Variants in CNTN5 observed in about 807,000 individuals in gnomAD.
CNTN5 encodes contactin 5.
Under a neutral mutation model 129.1 loss-of-function variants are expected in CNTN5, and 77 were observed. The observed-to-expected ratio is 0.60, with a 90% CI of 0.50 to 0.72. CNTN5 has a LOEUF of 0.72. CNTN5 is among the 30% of genes least tolerant of loss of function. The probability of loss-of-function intolerance (pLI) is 0.00; values close to 1 mark genes in which losing one functional copy is unlikely to be tolerated. For synonymous variants in CNTN5, 509 were observed against 465.6 expected (o/e 1.09, Z -1.20); for missense variants, 1,478 against 1,328.8 (o/e 1.11, Z -1.75).
intron 7 of CNTN5, among the ~76,000 whole-genome samples, chr11:99,939,987 T>TC (rs1950399306): frequency 6.6e-6 from 1 of 152,154 alleles, no homozygotes; most frequent in South Asian, 2.1e-4. Flanking sequence ...ACCAGAATAT[T>TC]TCACTTCTGG....
chr11:99,785,871 A>G (rs1945502506), intron 3 of CNTN5, among the ~76,000 whole-genome samples: 2 of 152,156 alleles, frequency 1.3e-5, no homozygotes, highest in African/African-American at 2.4e-5. Context: ...AATAAGAGCT[A>G]TTTATGACAA....
chr11:99,859,492 C>G (rs78162629), intron 6 of CNTN5, among the ~76,000 whole-genome samples: 6 of 152,148 alleles, frequency 3.9e-5, no homozygotes, highest in Admixed American at 2.0e-4. Flanking sequence ...TAGTTAGTTT[C>G]TCAGCCTTCC....
chr11:99,911,725 T>A (rs1320747120), intron 6 of CNTN5, among the ~76,000 whole-genome samples: 2 of 137,156 alleles, frequency 1.5e-5, no homozygotes, highest in African/African-American at 5.4e-5. Context: ...CTACTCAACA[T>A]GTCTCAGGAG....
At chr11:99,566,081 C>T (rs186334935) in intron 3 of CNTN5, among the ~76,000 whole-genome samples, 207 of 152,218 alleles carry the variant, frequency 1.4e-3, no homozygotes, top group African/African-American at 4.7e-3. Context: ...GAAATGTAAT[C>T]CCCCATTTTG....
At chr11:99,602,932 C>T (rs1319670088) in intron 3 of CNTN5, among the ~76,000 whole-genome samples, 2 of 106,382 alleles carry the variant, frequency 1.9e-5, no homozygotes, top group African/African-American at 7.4e-5. Flanking sequence ...GACATCTACA[C>T]CGAAAACCCA....
chr11:99,209,303 C>CA (rs1023748174), intron 1 of CNTN5, among the ~76,000 whole-genome samples: 13 of 152,220 alleles, frequency 8.5e-5, no homozygotes, highest in African/African-American at 3.1e-4. Context: ...TTAACTGTCT[C>CA]ACGGTTCTTC....
chr11:99,626,081 A>G (rs1690817), intron 3 of CNTN5, among the ~76,000 whole-genome samples: 92,842 of 151,822 alleles, frequency 0.61, 29,271 homozygotes, highest in Admixed American at 0.74. Context: ...GGACACACAG[A>G]GATGTGTTAA....
At chr11:99,168,685 T>G (rs1861004171) in intron 1 of CNTN5, among the ~76,000 whole-genome samples, 1 of 152,204 alleles carries the variant, frequency 6.6e-6, no homozygotes, top group East Asian at 1.9e-4. Flanking sequence ...AATGGTGTAT[T>G]TTTTCACTGA....
chr11:99,686,655 T>C (rs1187571322), intron 3 of CNTN5, among the ~76,000 whole-genome samples: 3 of 152,158 alleles, frequency 2.0e-5, no homozygotes, highest in Non-Finnish European at 2.9e-5. Flanking sequence ...TGTGATTTTC[T>C]TGGCTTTTTG....
intron 1 of CNTN5, among the ~76,000 whole-genome samples, chr11:99,192,097 C>T (rs552007224): frequency 4.6e-5 from 7 of 150,972 alleles, no homozygotes; most frequent in Non-Finnish European, 8.9e-5. Context: ...GATGAAGAAA[C>T]GTCATTTGTA....
intron 16 of CNTN5, among the ~76,000 whole-genome samples, chr11:100,251,614 T>C (rs901224212): frequency 1.2e-4 from 19 of 152,134 alleles, no homozygotes; most frequent in African/African-American, 4.1e-4. Context: ...CTCTGTCCTT[T>C]CTACTTCTAT....
chr11:99,628,637 C>T (rs964862534), intron 3 of CNTN5, among the ~76,000 whole-genome samples: 7 of 151,226 alleles, frequency 4.6e-5, no homozygotes, highest in South Asian at 2.1e-4. Flanking sequence ...CACACACACA[C>T]ACACACACAC....
chr11:99,453,907 G>T (rs191681261), intron 2 of CNTN5, among the ~76,000 whole-genome samples: 1 of 152,256 alleles, frequency 6.6e-6, no homozygotes, highest in African/African-American at 2.4e-5. Context: ...TTGCAGTATA[G>T]AAATACTAAG....
At chr11:99,707,884 C>G (rs765345545) in intron 3 of CNTN5, among the ~76,000 whole-genome samples, 2 of 151,236 alleles carry the variant, frequency 1.3e-5, no homozygotes, top group Non-Finnish European at 3.0e-5. Flanking sequence ...AATGGGAAAC[C>G]TATTTTATCA....
At chr11:99,936,330 T>C (rs1950314689) in intron 7 of CNTN5, among the ~76,000 whole-genome samples, 1 of 152,232 alleles carries the variant, frequency 6.6e-6, no homozygotes, top group African/African-American at 2.4e-5. Context: ...GTTGTTTGCG[T>C]TTAGTAAAGT....
At chr11:99,159,054 A>T (rs1416285664) in intron 1 of CNTN5, among the ~76,000 whole-genome samples, 1 of 152,170 alleles carries the variant, frequency 6.6e-6, no homozygotes, top group Non-Finnish European at 1.5e-5. Context: ...GAAACTGAAA[A>T]GTTATGTGAC....
chr11:100,334,581 G>T (rs993266461), intron 21 of CNTN5, among the ~76,000 whole-genome samples: 1 of 152,034 alleles, frequency 6.6e-6, no homozygotes, highest in African/African-American at 2.4e-5. Context: ...ATACACCATG[G>T]AATCCTGCTC....
At chr11:99,416,011 C>T (rs1942641686) in intron 2 of CNTN5, among the ~76,000 whole-genome samples, 1 of 152,156 alleles carries the variant, frequency 6.6e-6, no homozygotes, top group Non-Finnish European at 1.5e-5. Flanking sequence ...AAATAGTGCA[C>T]TGTAGTCAGC....
chr11:99,268,886 A>T (rs1034377638), intron 1 of CNTN5, among the ~76,000 whole-genome samples: 2 of 151,976 alleles, frequency 1.3e-5, no homozygotes, highest in African/African-American at 2.4e-5. Context: ...TTAAAGAGAA[A>T]GCCCTGCTGT....
Sources: gnomAD v4.1 joint callset for allele counts (sites outside exome capture counted in the v4.1 genomes callset) on GRCh38, gnomAD v4.1.1 for gene constraint, MANE v1.5 for transcripts, NCBI Gene and HGNC (gene_info 2026-07-23, HGNC 2026-07-21) for gene names.